KLHL1: variants seen among roughly 807,000 people sequenced by gnomAD.
KLHL1 encodes kelch like family member 1.
Under a neutral mutation model 77.7 loss-of-function variants are expected in KLHL1, and 47 were observed. The observed-to-expected ratio is 0.60, with a 90% confidence interval of 0.48 to 0.77. The LOEUF is 0.77. KLHL1 is among the 30% of genes least tolerant of loss of function. The pLI, the probability that KLHL1 is intolerant of heterozygous loss-of-function variation, is 0.00. For missense variants in KLHL1, 925 were observed against 910.8 expected (o/e 1.02, Z -0.20); for synonymous variants, 360 against 325.2 (o/e 1.11, Z -1.15).
chr13:70,018,018 A>T (rs1012598912), intron 1 of KLHL1, among the ~76,000 whole-genome samples: 1 of 151,396 alleles, frequency 6.6e-6, no homozygotes, highest in African/African-American at 2.4e-5. Context: ...GAATTCTGTT[A>T]ATTTTCTCCT....
intron 10 of KLHL1, among the ~76,000 whole-genome samples, chr13:69,705,217 A>AT (rs142238090): frequency 5.3e-4 from 80 of 151,426 alleles, no homozygotes; most frequent in African/African-American, 1.7e-3. Context: ...CACGTGCATT[A>AT]TTTTTTTCAA....
chr13:69,925,325 A>G (rs1455507509), intron 4 of KLHL1, among the ~76,000 whole-genome samples: 3 of 152,218 alleles, frequency 2.0e-5, no homozygotes, highest in Admixed American at 1.3e-4. Context: ...TTACAGCACT[A>G]TTAGGATGAA....
intron 8 of KLHL1, among the ~76,000 whole-genome samples, chr13:69,723,092 T>C (rs1461171306): frequency 6.6e-6 from 1 of 152,016 alleles, no homozygotes; most frequent in Non-Finnish European, 1.5e-5. Context: ...AAATACCACA[T>C]TATCTCACTC....
chr13:69,933,393 T>C (rs369870871), intron 4 of KLHL1, among the ~76,000 whole-genome samples: 1 of 152,132 alleles, frequency 6.6e-6, no homozygotes, highest in East Asian at 1.9e-4. Flanking sequence ...CAAATATTCT[T>C]CTAAGGCAAA....
At chr13:70,003,860 A>C (rs2137328771) in intron 1 of KLHL1, among the ~76,000 whole-genome samples, 1 of 151,888 alleles carries the variant, frequency 6.6e-6, no homozygotes, top group Non-Finnish European at 1.5e-5. Context: ...CTATTGCAGT[A>C]AACAAAGGAA....
At chr13:69,962,320 A>G (rs1884090820) in intron 2 of KLHL1, among the ~76,000 whole-genome samples, 1 of 152,048 alleles carries the variant, frequency 6.6e-6, no homozygotes. Flanking sequence ...TTTATCTGGT[A>G]CATCTGGTGA....
chr13:69,762,039 G>A (rs1875051105), intron 7 of KLHL1, among the ~76,000 whole-genome samples: 1 of 152,042 alleles, frequency 6.6e-6, no homozygotes, highest in Non-Finnish European at 1.5e-5. Context: ...ATTTCTCAAT[G>A]CACCTTTTCT....
In KLHL1 at chr13:69,770,165, C is replaced by G. The variant is rs145949114; in HGVS notation, c.1639+26573G>C. 3.0e-4 allele frequency among the ~76,000 whole-genome samples: 45 copies of G among 152,314 alleles called. No individual in the cohort carries two copies. The East Asian group carries it at 6.6e-3, about 22-fold the overall frequency. On this transcript the variant is annotated intron_variant, in intron 7 of 10. Transcript: ENST00000377844. ...GCTGGAGTCTCTGAGTTTTTAGGCA[C>G]CACTGCATTCCCCTCAGCCAGATGC...
chr13:70,077,288 T>C (rs1181751513), intron 1 of KLHL1, among the ~76,000 whole-genome samples: 1 of 151,940 alleles, frequency 6.6e-6, no homozygotes, highest in East Asian at 1.9e-4. Flanking sequence ...TAAAAAGATA[T>C]GAGCTCTTAA....
chr13:69,952,800 A>G (rs1883752321), intron 3 of KLHL1, among the ~76,000 whole-genome samples: 1 of 151,326 alleles, frequency 6.6e-6, no homozygotes, highest in Non-Finnish European at 1.5e-5. Flanking sequence ...ACTCTTCATT[A>G]AAAATGGCTA....
chr13:69,941,543 C>A (rs1883366550), intron 3 of KLHL1, among the ~76,000 whole-genome samples: 1 of 151,866 alleles, frequency 6.6e-6, no homozygotes, highest in South Asian at 2.1e-4. Flanking sequence ...GGTCACACCT[C>A]AAGGAACTAG....
At chr13:70,014,764 C>A (rs1254366193) in intron 1 of KLHL1, among the ~76,000 whole-genome samples, 1 of 152,156 alleles carries the variant, frequency 6.6e-6, no homozygotes, top group Non-Finnish European at 1.5e-5. Context: ...TTTGAGTGAG[C>A]TTCTAGGGAT....
chr13:69,778,966 T>C (rs1005140538), intron 7 of KLHL1, among the ~76,000 whole-genome samples: 2 of 151,790 alleles, frequency 1.3e-5, no homozygotes, highest in Admixed American at 6.6e-5. Flanking sequence ...ACCCAGATTA[T>C]TTTTTGTATT....
intron 4 of KLHL1, among the ~76,000 whole-genome samples, chr13:69,888,048 T>C (rs1022692400): frequency 5.9e-5 from 9 of 152,194 alleles, no homozygotes; most frequent in African/African-American, 2.2e-4. Flanking sequence ...CTCACAGTTC[T>C]AGAGACTGGA....
chr13:70,094,070 T>G (rs533084661), intron 1 of KLHL1, among the ~76,000 whole-genome samples: 1 of 152,158 alleles, frequency 6.6e-6, no homozygotes, highest in African/African-American at 2.4e-5. Flanking sequence ...CCAGTAGTTC[T>G]TTTTAACACA....
chr13:69,956,327 A>G (rs981428249), intron 3 of KLHL1, among the ~76,000 whole-genome samples: 2 of 150,916 alleles, frequency 1.3e-5, no homozygotes, highest in East Asian at 3.9e-4. Flanking sequence ...GGCATAGTAC[A>G]TAGTAGACAT....
chr13:69,860,976 A>C (rs1180656186), intron 5 of KLHL1, among the ~76,000 whole-genome samples: 1 of 152,082 alleles, frequency 6.6e-6, no homozygotes, highest in Non-Finnish European at 1.5e-5. Context: ...ATAATCAATT[A>C]ATTATACCTC....
intron 7 of KLHL1, among the ~76,000 whole-genome samples, chr13:69,741,089 A>G (rs969469245): frequency 2.0e-5 from 3 of 152,158 alleles, no homozygotes; most frequent in African/African-American, 7.2e-5. Flanking sequence ...TTTCCCAAAA[A>G]GGTTAAAATA....
intron 4 of KLHL1, among the ~76,000 whole-genome samples, chr13:69,885,878 A>T (rs1031864966): frequency 6.6e-5 from 10 of 152,202 alleles, no homozygotes; most frequent in Middle Eastern, 3.2e-3. Flanking sequence ...CCAGCTTTTC[A>T]AGTGGACCTA....
Sources: gnomAD v4.1 joint callset for allele counts (sites outside exome capture counted in the v4.1 genomes callset) on GRCh38, gnomAD v4.1.1 for gene constraint, MANE v1.5 for transcripts, NCBI Gene and HGNC (gene_info 2026-07-23, HGNC 2026-07-21) for gene names.